The following KIAA0825 variants were observed in gnomAD, a reference collection of about 807,000 sequenced individuals.
KIAA0825 encodes KIAA0825.
KIAA0825 carries 119 observed loss-of-function variants against 147.6 expected under a neutral mutation model. That is an observed-to-expected ratio of 0.81 (90% CI 0.69 to 0.94). KIAA0825 has a LOEUF of 0.94. KIAA0825 is among the 40% of genes least tolerant of loss of function. The pLI is 0.00. For missense variants in KIAA0825, 1,381 were observed against 1,472.7 expected (o/e 0.94, Z 1.02); for synonymous variants, 470 against 518.1 (o/e 0.91, Z 1.26).
chr5:94,186,762 G>A (rs1211103223), intron 20 of KIAA0825, among the ~76,000 whole-genome samples: 2 of 152,174 alleles, frequency 1.3e-5, no homozygotes, highest in African/African-American at 4.8e-5. Flanking sequence ...ACATAGTTTG[G>A]TAAGAGCAGG....
intron 20 of KIAA0825, among the ~76,000 whole-genome samples, chr5:94,195,313 G>C (rs1029443452): frequency 5.3e-5 from 8 of 152,094 alleles, no homozygotes; most frequent in Non-Finnish European, 1.5e-5. Flanking sequence ...TTCTAATGCA[G>C]ATTTTTGAAT....
At chr5:94,604,240 C>A (rs890888293) in intron 1 of KIAA0825, among the ~76,000 whole-genome samples, 6 of 152,120 alleles carry the variant, frequency 3.9e-5, no homozygotes, top group Non-Finnish European at 1.5e-5. Context: ...CAAACCACAG[C>A]ACAATCAAAT....
chr5:94,344,134 C>T (rs1217802780), intron 20 of KIAA0825, among the ~76,000 whole-genome samples: 2 of 152,076 alleles, frequency 1.3e-5, no homozygotes, highest in African/African-American at 4.8e-5. Context: ...TCACACATAC[C>T]CCAAGGTTCA....
Position 94,537,038 on chromosome 5 carries a change from A to C in KIAA0825, c.89T>G (p.Ile30Ser). ...SFPGDLEFEQ[I>S]FSDIDEKIEQ... ...AATCTTTTCATCAATGTCACTGAAG[A>C]TCTGCTCAAACTCCAAGTCTCCAGG... is the stretch of plus-strand genomic sequence containing the variant. The change falls in exon 3 of 21, where the codon ATC (isoleucine) becomes AGC (serine). Residue 30 changes from isoleucine to serine, a missense_variant. By Grantham distance (142) the Ile-to-Ser change is moderately radical. Coordinates refer to ENST00000682413, the MANE Select transcript of KIAA0825 (RefSeq NM_001145678.3). 6.2e-7 allele frequency: 1 copy of C among 1,607,484 alleles called. No individual in the cohort carries two copies. Among genetic ancestry groups the C allele is most frequent in the Non-Finnish European group, 8.5e-7 (1 of 1,174,556 alleles).
intron 20 of KIAA0825, among the ~76,000 whole-genome samples, chr5:94,237,205 A>G (rs1775096569): frequency 6.6e-6 from 1 of 152,192 alleles, no homozygotes; most frequent in Non-Finnish European, 1.5e-5. Flanking sequence ...AAGGCTTACA[A>G]TCCGTAGGTA....
At chr5:94,564,386 G>GTA (rs766510240) in intron 2 of KIAA0825, among the ~76,000 whole-genome samples, 1 of 137,184 alleles carries the variant, frequency 7.3e-6, no homozygotes, top group Non-Finnish European at 1.6e-5. Context: ...TTTTGAATTT[G>GTA]TGTGTGTGTG....
At chr5:94,577,577 A>T (rs1482572256) in intron 2 of KIAA0825, among the ~76,000 whole-genome samples, 2 of 152,230 alleles carry the variant, frequency 1.3e-5, no homozygotes, top group Non-Finnish European at 2.9e-5. Flanking sequence ...CATCCTTTTA[A>T]CTAAGTATTG....
chr5:94,426,399 T>C (rs545303041), intron 14 of KIAA0825, among the ~76,000 whole-genome samples: 1 of 152,268 alleles, frequency 6.6e-6, no homozygotes, highest in East Asian at 1.9e-4. Context: ...AATCACGTCA[T>C]TGGCTGCAAC....
intron 2 of KIAA0825, among the ~76,000 whole-genome samples, chr5:94,576,604 G>A (rs982067920): frequency 6.6e-6 from 1 of 152,168 alleles, no homozygotes; most frequent in African/African-American, 2.4e-5. Context: ...GGACTTCTCA[G>A]TTTCTAGAAC....
At chr5:94,197,929 C>T (rs1771291533) in intron 20 of KIAA0825, among the ~76,000 whole-genome samples, 1 of 152,080 alleles carries the variant, frequency 6.6e-6, no homozygotes, top group Non-Finnish European at 1.5e-5. Context: ...GTTCTTTTTG[C>T]TGAGGGTTGC....
At chr5:94,490,354 C>A (rs1763587659) in intron 5 of KIAA0825, among the ~76,000 whole-genome samples, 1 of 151,972 alleles carries the variant, frequency 6.6e-6, no homozygotes, top group Non-Finnish European at 1.5e-5. Flanking sequence ...TTCTTTAAAA[C>A]AATAAATAAT....
chr5:94,271,076 A>G (rs1451841472), intron 20 of KIAA0825, among the ~76,000 whole-genome samples: 1 of 152,160 alleles, frequency 6.6e-6, no homozygotes, highest in African/African-American at 2.4e-5. Context: ...AGACAATTTG[A>G]AAAGGTATAA....
chr5:94,586,845 T>C (rs535213011), intron 1 of KIAA0825, among the ~76,000 whole-genome samples: 4 of 152,278 alleles, frequency 2.6e-5, no homozygotes, highest in South Asian at 4.1e-4. Flanking sequence ...TTATCCAACA[T>C]GATCAAGTCA....
intron 20 of KIAA0825, among the ~76,000 whole-genome samples, chr5:94,287,637 A>G (rs934473823): frequency 3.3e-5 from 5 of 152,174 alleles, no homozygotes; most frequent in Non-Finnish European, 7.4e-5. Context: ...TTTCCTCTCA[A>G]GATGTATTTA....
chr5:94,269,131 A>G (rs2150140496), intron 20 of KIAA0825, among the ~76,000 whole-genome samples: 1 of 152,268 alleles, frequency 6.6e-6, no homozygotes, highest in South Asian at 2.1e-4. Flanking sequence ...TAAAGGTGCC[A>G]TCGTTAAATA....
chr5:94,361,578 CT>C (rs1187362163), intron 20 of KIAA0825, among the ~76,000 whole-genome samples: 1 of 152,152 alleles, frequency 6.6e-6, no homozygotes, highest in African/African-American at 2.4e-5. Context: ...GATGCTTTTA[CT>C]TTGTGAAAAA....
In KIAA0825 at chr5:94,549,802, T is replaced by C. The variant is rs1196626635; in HGVS notation, c.-1-12675A>G. On this transcript the variant is annotated intron_variant, in intron 2 of 20. Coordinates refer to ENST00000682413, the MANE Select transcript of KIAA0825 (RefSeq NM_001145678.3). ...AGGGAAATTCATAGCTTTAAGTGCT[T>C]ACATCAAAAAAGAACAAAAACTTCA... is the stretch of plus-strand genomic sequence containing the variant. Among the ~76,000 whole-genome samples the C allele has an allele frequency of 3.9e-5, 6 of 152,062 alleles. No individual in the cohort carries two copies. In the South Asian group the frequency reaches 1.2e-3, roughly 32 times the overall value.
At chr5:94,294,214 T>C (rs1778035204) in intron 20 of KIAA0825, among the ~76,000 whole-genome samples, 1 of 152,234 alleles carries the variant, frequency 6.6e-6, no homozygotes, top group Non-Finnish European at 1.5e-5. Flanking sequence ...ATGCAGTTTC[T>C]TCATAGTGTC....
intron 20 of KIAA0825, among the ~76,000 whole-genome samples, chr5:94,241,462 C>G (rs1775339601): frequency 5.3e-5 from 8 of 152,116 alleles, no homozygotes; most frequent in Admixed American, 5.2e-4. Flanking sequence ...TCTTATTTTC[C>G]CAGACATTTC....
Sources: gnomAD v4.1 joint callset for allele counts (sites outside exome capture counted in the v4.1 genomes callset) on GRCh38, gnomAD v4.1.1 for gene constraint, MANE v1.5 for transcripts, NCBI Gene and HGNC (gene_info 2026-07-23, HGNC 2026-07-21) for gene names.